Variants in C10orf90 observed in about 807,000 individuals in gnomAD.
C10orf90 encodes (E2-independent) E3 ubiquitin-conjugating enzyme FATS.
In C10orf90, 56 loss-of-function variants were observed where a neutral mutation model predicts 62.5. That is an observed-to-expected ratio of 0.90 (90% confidence interval 0.72 to 1.12). The LOEUF is 1.12. Among genes scored for constraint, C10orf90 ranks in the 50% most tolerant of loss-of-function variants. The pLI, the probability that C10orf90 is intolerant of heterozygous loss-of-function variation, is 0.00. For synonymous variants in C10orf90, 386 were observed against 340.4 expected (o/e 1.13, Z -1.47); for missense variants, 970 against 880.4 (o/e 1.10, Z -1.29).
intron 4 of C10orf90, among the ~76,000 whole-genome samples, chr10:126,496,486 A>C (rs189431042): frequency 9.2e-5 from 14 of 152,336 alleles, no homozygotes; most frequent in African/African-American, 2.6e-4. Context: ...CTCTTCTTTA[A>C]CATTACATTT....
chr10:126,562,969 G>A (rs1390525541), intron 2 of C10orf90, among the ~76,000 whole-genome samples: 1 of 152,214 alleles, frequency 6.6e-6, no homozygotes, highest in East Asian at 1.9e-4. Flanking sequence ...CCACTCTCAT[G>A]GGCTGGGCGG....
At position 126,442,347 on chromosome 10, in the gene C10orf90, T is replaced by A. The variant is rs576478777; in HGVS notation, c.2189-12497A>T. Among the ~76,000 whole-genome samples the A allele has an allele frequency of 4.7e-3, 709 of 150,430 alleles. 6 individuals are homozygous for A. The highest frequency in any genetic ancestry group is 0.016 in the African/African-American group (671 of 40,950). ...TGATGATAAAAGGCCTTATCCAATT[T>A]TAGGAAAATATCACAATCCTATACA... is the stretch of plus-strand genomic sequence containing the variant. On this transcript the variant is annotated intron_variant, in intron 7 of 9. Transcript: ENST00000488181.
intron 2 of C10orf90, among the ~76,000 whole-genome samples, chr10:126,619,784 T>C (rs374430248): frequency 2.0e-5 from 3 of 152,118 alleles, no homozygotes; most frequent in East Asian, 3.9e-4. Context: ...GAACTACAGG[T>C]GCACACCACC....
rs772243146 is a variant in C10orf90 at position 126,525,527 on chromosome 10, C to T, written c.314-11588G>A. Among the ~76,000 whole-genome samples the T allele has an allele frequency of 3.9e-5, 6 of 152,104 alleles. No homozygotes were observed. The East Asian group carries it at 5.8e-4, about 15-fold the overall frequency. ...AGCCTGCAGAGATGATTACAGGCTC[C>T]GCCGTGAGCTGGACAAATGAGGTTG... On this transcript the variant is annotated intron_variant, in intron 2 of 9. Transcript: ENST00000488181.
intron 2 of C10orf90, among the ~76,000 whole-genome samples, chr10:126,615,799 C>T (rs911501473): frequency 6.6e-6 from 1 of 152,172 alleles, no homozygotes; most frequent in Non-Finnish European, 1.5e-5. Flanking sequence ...TAGAGAGACA[C>T]AGAAAAGTCC....
chr10:126,461,710 C>T (rs751659080), intron 5 of C10orf90, 125 bp from the exon 6 acceptor site: 14 of 967,022 alleles, frequency 1.4e-5, no homozygotes, highest in Admixed American at 2.9e-5. Context: ...TAATGGGCCT[C>T]GTTAAGCTGA....
intron 2 of C10orf90, among the ~76,000 whole-genome samples, chr10:126,550,938 G>C (rs1864617364): frequency 2.0e-5 from 3 of 152,216 alleles, no homozygotes; most frequent in Non-Finnish European, 1.5e-5. Context: ...TCTCTTCTGT[G>C]TTTTCTCCCT....
chr10:126,479,338 C>T (rs73371037), intron 4 of C10orf90, among the ~76,000 whole-genome samples: 6,718 of 152,222 alleles, frequency 0.044, 489 homozygotes, highest in African/African-American at 0.15. Flanking sequence ...ATGGGACAAG[C>T]TCTAGGGTCA....
intron 7 of C10orf90, among the ~76,000 whole-genome samples, chr10:126,430,065 G>T (rs532139473): frequency 6.6e-6 from 1 of 152,192 alleles, no homozygotes; most frequent in Non-Finnish European, 1.5e-5. Context: ...AAATAAGGAC[G>T]TGAAGTACAA....
chr10:126,511,430 T>C (rs1863102455), intron 3 of C10orf90, among the ~76,000 whole-genome samples: 1 of 152,060 alleles, frequency 6.6e-6, no homozygotes, highest in African/African-American at 2.4e-5. Flanking sequence ...ATTAAGTGCA[T>C]TCATAATGTT....
At chr10:126,627,531 A>C (rs1361103717) in intron 2 of C10orf90, among the ~76,000 whole-genome samples, 5 of 151,964 alleles carry the variant, frequency 3.3e-5, no homozygotes, top group Non-Finnish European at 1.5e-5. Flanking sequence ...GAAATTCCAG[A>C]AGTTTGGCAG....
intron 2 of C10orf90, among the ~76,000 whole-genome samples, chr10:126,552,501 A>G (rs773918341): frequency 3.9e-5 from 6 of 152,202 alleles, no homozygotes; most frequent in Non-Finnish European, 7.3e-5. Flanking sequence ...CAAACAGAGA[A>G]GAACTGGACA....
intron 2 of C10orf90, among the ~76,000 whole-genome samples, chr10:126,554,449 G>A (rs1178972264): frequency 6.6e-6 from 1 of 152,112 alleles, no homozygotes. Context: ...ACTCTATTTT[G>A]ATTTGGGTGG....
rs1314971329 is a variant in C10orf90, at chr10:126,437,225, T to C, written c.2189-7375A>G. Among the ~76,000 whole-genome samples the C allele has an allele frequency of 2.0e-5, 3 of 152,212 alleles. No homozygotes were observed. In the East Asian group the frequency reaches 5.8e-4, roughly 29 times the overall value. ...GATGGAACCAGTGGGATTTTTATTC[T>C]CTGCAAAAGATATAAGGTTGTGGTT... On this transcript the variant is annotated intron_variant, in intron 7 of 9. Transcript: ENST00000488181.
intron 2 of C10orf90, among the ~76,000 whole-genome samples, chr10:126,591,783 C>T (rs1844985049): frequency 6.6e-6 from 1 of 151,942 alleles, no homozygotes; most frequent in African/African-American, 2.4e-5. Context: ...TGATATGATC[C>T]CGTATCTAGA....
chr10:126,476,765 G>A (rs1860895050), intron 4 of C10orf90, among the ~76,000 whole-genome samples: 1 of 152,146 alleles, frequency 6.6e-6, no homozygotes, highest in African/African-American at 2.4e-5. Flanking sequence ...TTTGCCCCTT[G>A]AGACCACTTA....
intron 2 of C10orf90, among the ~76,000 whole-genome samples, chr10:126,631,506 G>A (rs762496988): frequency 6.6e-6 from 1 of 151,968 alleles, no homozygotes; most frequent in Admixed American, 6.6e-5. Flanking sequence ...CAGTAATTTT[G>A]CTTGTTTGTC....
chr10:126,588,923 T>G (rs1201200281), intron 2 of C10orf90, among the ~76,000 whole-genome samples: 1 of 152,184 alleles, frequency 6.6e-6, no homozygotes, highest in Non-Finnish European at 1.5e-5. Flanking sequence ...TAAAGGAGCA[T>G]GTTGTAACCC....
chr10:126,668,960 G>A (rs756575684), intron 1 of C10orf90, among the ~76,000 whole-genome samples: 9 of 152,104 alleles, frequency 5.9e-5, no homozygotes, highest in Non-Finnish European at 1.0e-4. Context: ...AAACGAGAAT[G>A]CCAGATCTAC....
Sources: allele counts gnomAD v4.1 joint callset (sites outside exome capture counted in the v4.1 genomes callset), GRCh38; gene constraint gnomAD v4.1.1; transcripts MANE v1.5; gene names NCBI Gene and HGNC (gene_info 2026-07-23, HGNC 2026-07-21).